POMK: variants seen among roughly 807,000 people sequenced by gnomAD.
The protein encoded by POMK is protein O-mannose kinase.
Under a neutral mutation model 23.0 loss-of-function variants are expected in POMK, and 19 were observed. That is an observed-to-expected ratio of 0.83 (90% CI 0.58 to 1.21). The LOEUF (loss-of-function observed/expected upper bound fraction) is 1.21, where lower values mean the gene tolerates loss of function less well. Among genes scored for constraint, POMK ranks in the 50% most tolerant of loss-of-function variants. The probability of loss-of-function intolerance (pLI) is 0.00; values close to 1 mark genes in which losing one functional copy is unlikely to be tolerated. For synonymous variants in POMK, 173 were observed against 171.6 expected (o/e 1.01, Z -0.06); for missense variants, 410 against 431.3 (o/e 0.95, Z 0.44).
chr8:43,100,752 C>T (rs956388989), intron 2 of POMK, among the ~76,000 whole-genome samples: 2 of 151,496 alleles, frequency 1.3e-5, no homozygotes, highest in African/African-American at 4.9e-5. Flanking sequence ...CCTGTGCTAG[C>T]GGGGATGAGG....
intron 4 of POMK, among the ~76,000 whole-genome samples, chr8:43,121,464 CTG>C (rs1411898474): frequency 6.6e-6 from 1 of 152,230 alleles, no homozygotes; most frequent in African/African-American, 2.4e-5. Context: ...GCCTTTACAG[CTG>C]AAGTAACACC....
Position 43,103,530 on chromosome 8 carries a change from A to C in POMK, c.-19A>C, listed in dbSNP as rs1238077620. ...TCTTGTTTCATTGTGTATTTTAGGA[A>C]ATTGCAGAGGCCGTCAACATGGAAA... is the stretch of plus-strand genomic sequence containing the variant. On this transcript the variant is annotated splice_region_variant and 5_prime_UTR_variant, in exon 4 of 5. Transcript: ENST00000331373. The C allele has an allele frequency of 5.0e-6, 8 of 1,612,498 alleles. No individual in the cohort carries two copies. The Admixed American group carries it at 8.4e-5, about 17-fold the overall frequency.
In POMK at chr8:43,103,591, C is replaced by G. The variant is rs774013796; in HGVS notation, c.43C>G (p.Arg15Gly). 1 of 1,614,160 alleles carries G rather than the reference C, an allele frequency of 6.2e-7. No individual in the cohort carries two copies. The highest frequency in any genetic ancestry group is 8.5e-7 in the Non-Finnish European group (1 of 1,180,034). ...PQNSRRGLAP[R>G]EVPPAVGLLL... ...GAACAGCAGGAGAGGCCTCGCCCCC[C>G]GAGAGGTGCCGCCAGCTGTTGGGCT... The change falls in exon 4 of 5, where the codon CGA becomes GGA. Residue 15 changes from arginine to glycine, a missense_variant. Coordinates refer to ENST00000331373, the MANE Select transcript of POMK (RefSeq NM_032237.5).
chr8:43,094,381 A>AAAG (rs1463008831), intron 1 of POMK, among the ~76,000 whole-genome samples: 256 of 152,260 alleles, frequency 1.7e-3, no homozygotes, highest in Middle Eastern at 0.01. Context: ...CCAAACCAAA[A>AAAG]CAAAACAAAA....
At chr8:43,117,967 T>TTG (rs1811831660) in intron 4 of POMK, among the ~76,000 whole-genome samples, 1 of 152,198 alleles carries the variant, frequency 6.6e-6, no homozygotes, top group South Asian at 2.1e-4. Context: ...AGCATTGTCA[T>TTG]TAGAAAAGGG....
intron 4 of POMK, among the ~76,000 whole-genome samples, chr8:43,106,897 T>C (rs1447373488): frequency 6.6e-6 from 1 of 152,150 alleles, no homozygotes; most frequent in African/African-American, 2.4e-5. Context: ...AAAAAGGCCA[T>C]TGATCACTCT....
At chr8:43,121,950 T>C (rs1278828121) in intron 4 of POMK, among the ~76,000 whole-genome samples, 157 bp from the exon 5 acceptor site, 3 of 152,242 alleles carry the variant, frequency 2.0e-5, no homozygotes, top group African/African-American at 7.2e-5. Context: ...CGGTCTCTCT[T>C]CATAACTAGA....
Position 43,111,735 on chromosome 8 carries a change from C to T in POMK, c.282+7905C>T, listed in dbSNP as rs565994523. On this transcript the variant is annotated intron_variant, in intron 4 of 4. Transcript: ENST00000331373. Reference sequence around the variant, plus strand: ...CTCTGAGACAAAACTTCCAGAGGAACGATCGGGCAGCAGCATTTGCGGTTC... The same window carrying T: ...CTCTGAGACAAAACTTCCAGAGGAATGATCGGGCAGCAGCATTTGCGGTTC... Among the ~76,000 whole-genome samples, 33 of 152,318 alleles carry T rather than the reference C, an allele frequency of 2.2e-4. No individual in the cohort carries two copies. In the East Asian group the frequency reaches 4.6e-3, roughly 21 times the overall value.
At chr8:43,096,914 G>A (rs1296969391) in intron 1 of POMK, among the ~76,000 whole-genome samples, 1 of 152,184 alleles carries the variant, frequency 6.6e-6, no homozygotes, top group Admixed American at 6.5e-5. Context: ...TATAAAGCTT[G>A]AAAACATATG....
intron 4 of POMK, among the ~76,000 whole-genome samples, chr8:43,113,918 A>T (rs2130615183): frequency 6.6e-6 from 1 of 152,320 alleles, no homozygotes; most frequent in South Asian, 2.1e-4. Flanking sequence ...GTGGCTGCAG[A>T]ACAGCGGATT....
At chr8:43,105,136 G>A (rs1013835804) in intron 4 of POMK, among the ~76,000 whole-genome samples, 6 of 152,102 alleles carry the variant, frequency 3.9e-5, no homozygotes, top group African/African-American at 7.2e-5. Flanking sequence ...TGTAGTTAGC[G>A]GATCAGGGCA....
intron 2 of POMK, among the ~76,000 whole-genome samples, chr8:43,098,524 G>A (rs1811377689): frequency 6.6e-6 from 1 of 152,142 alleles, no homozygotes. Context: ...TCTGCCAATG[G>A]ACACTTGGCT....
intron 2 of POMK, among the ~76,000 whole-genome samples, chr8:43,100,013 C>T (rs937553208): frequency 3.3e-5 from 5 of 152,120 alleles, no homozygotes; most frequent in Admixed American, 2.0e-4. Context: ...TGCATACTGG[C>T]GGGACTTGCA....
In POMK at chr8:43,100,274, G is replaced by T. The variant is rs77692743; in HGVS notation, c.-117-2231G>T. ...GGTGATGAGCCTTATGGCAGGTGAG[G>T]CTCAAGGCCCAGTGTGTGCTTAGGG... On this transcript the variant is annotated intron_variant, in intron 2 of 4. Coordinates refer to ENST00000331373, the MANE Select transcript of POMK (RefSeq NM_032237.5). Among the ~76,000 whole-genome samples, 447 of 152,234 alleles carry T rather than the reference G, an allele frequency of 2.9e-3. 9 individuals are homozygous for T. In the East Asian group the frequency reaches 0.072, roughly 25 times the overall value.
intron 1 of POMK, among the ~76,000 whole-genome samples, chr8:43,095,896 C>T (rs1586668406): frequency 6.6e-6 from 1 of 152,212 alleles, no homozygotes; most frequent in East Asian, 1.9e-4. Flanking sequence ...GGATTTATCG[C>T]AGGGTTTGAG....
chr8:43,112,520 T>G (rs1312395976), intron 4 of POMK, among the ~76,000 whole-genome samples: 1 of 152,102 alleles, frequency 6.6e-6, no homozygotes, highest in Non-Finnish European at 1.5e-5. Context: ...ACTTCCCCAA[T>G]CTAGCAAGGC....
At chr8:43,098,718 C>T (rs1403774769) in intron 2 of POMK, among the ~76,000 whole-genome samples, 1 of 152,182 alleles carries the variant, frequency 6.6e-6, no homozygotes, top group East Asian at 1.9e-4. Flanking sequence ...ATTTTACTTT[C>T]TCACCAGTGA....
At chr8:43,106,943 C>T (rs565653403) in intron 4 of POMK, among the ~76,000 whole-genome samples, 2 of 152,220 alleles carry the variant, frequency 1.3e-5, no homozygotes, top group Admixed American at 6.5e-5. Context: ...TAGTTGGGGT[C>T]GGAGTTGACC....
intron 4 of POMK, among the ~76,000 whole-genome samples, chr8:43,117,416 C>G (rs1266730072): frequency 1.3e-5 from 2 of 152,140 alleles, no homozygotes; most frequent in Non-Finnish European, 2.9e-5. Flanking sequence ...ACGTCTTTAT[C>G]CTTGGTTTTT....
Sources: allele counts gnomAD v4.1 joint callset (sites outside exome capture counted in the v4.1 genomes callset), GRCh38; gene constraint gnomAD v4.1.1; transcripts MANE v1.5; gene names NCBI Gene and HGNC (gene_info 2026-07-23, HGNC 2026-07-21).